The following STK11 variants were observed in gnomAD, a reference collection of about 807,000 sequenced individuals.
STK11 encodes serine/threonine-protein kinase STK11.
In STK11, 8 loss-of-function variants were observed where a neutral mutation model predicts 47.3. The observed-to-expected ratio is 0.17, with a 90% CI of 0.10 to 0.31. The LOEUF is 0.31. Among genes scored for constraint, STK11 ranks in the 10% least tolerant of loss-of-function variants. STK11 has a pLI of 1.00. For synonymous variants in STK11, 330 were observed against 255.8 expected (o/e 1.29, Z -2.77); for missense variants, 475 against 605.0 (o/e 0.79, Z 2.25).
chr19:1,212,859 T>C (rs1008280054), intron 1 of STK11, among the ~76,000 whole-genome samples: 7 of 151,894 alleles, frequency 4.6e-5, no homozygotes, highest in Non-Finnish European at 1.0e-4. Context: ...TTTTATTTTT[T>C]ATTTTATAGA....
At position 1,220,588 on chromosome 19, in the gene STK11, A is replaced by T. The variant is rs1206092648; in HGVS notation, c.605A>T (p.His202Leu). 6.3e-7 allele frequency: 1 copy of T among 1,584,102 alleles called. No individual in the cohort carries two copies. Among genetic ancestry groups the T allele is most frequent in the Non-Finnish European group, 8.6e-7 (1 of 1,164,970 alleles). Residue 202 changes from histidine (H) to leucine (L), a missense_variant, in exon 5 of 10, where the codon CAC becomes CTC. Around this residue, in one of 5 missense-constraint regions of STK11, gnomAD observed 130 missense variants for 239.7 expected, o/e 0.54. Coordinates refer to ENST00000326873, the MANE Select transcript of STK11 (RefSeq NM_000455.5). ...TGCACGGCACCGCCACAGGCACTGC[A>T]CCCGTTCGCGGCGGACGACACCTGC... ...ISDLGVAEALHPFAADDTCRT... is the reference protein window; with the variant it reads ...ISDLGVAEALLPFAADDTCRT...
Position 1,224,551 on chromosome 19 carries a change from CG to C in STK11, c.1108+1380del, listed in dbSNP as rs891110096. 7 of 985,378 alleles carry C rather than the reference CG, an allele frequency of 7.1e-6. No homozygotes were observed. In the African/African-American group the frequency reaches 1.2e-4, roughly 17 times the overall value. 61.0% of individuals were successfully genotyped at this position (985,378 alleles called of 1,614,324 possible). A position where few individuals can be genotyped will look rare whatever the true frequency, so the allele number is the denominator to read the frequency against. ...GGGCAGGGCCAGCCCAGGCAGGTTG[CG>C]AGAGTCCCTACTGGGACGTGGACCA... On this transcript the variant is annotated intron_variant, in intron 8 of 9. Transcript: ENST00000326873.
chr19:1,220,051 C>T, intron 3 of STK11: 1 of 319,486 alleles, frequency 3.1e-6, no homozygotes, highest in Non-Finnish European at 5.9e-6. Context: ...GGGCCCCTTG[C>T]TGCTGCAGGA....
rs2080672614 is a variant in STK11, at chr19:1,207,122, A to G, written c.209A>G (p.Glu70Gly). Residue 70 changes from glutamate (E) to glycine (G), a missense_variant, in exon 1 of 10, where the codon GAG becomes GGG. Physicochemically the swap from Glu to Gly is moderately conservative, Grantham distance 98. Around this residue, in one of 5 missense-constraint regions of STK11, gnomAD observed 47 missense variants for 103.7 expected, o/e 0.45. Transcript: ENST00000326873. ...AAGGTGAAGGAGGTGCTGGACTCGG[A>G]GACGCTGTGCAGGAGGGCCGTCAAG... ...YGKVKEVLDSETLCRRAVKIL... is the reference protein window; with the variant it reads ...YGKVKEVLDSGTLCRRAVKIL... 4.3e-6 allele frequency: 7 copies of G among 1,613,816 alleles called. No homozygotes were observed. The highest frequency in any genetic ancestry group is 5.9e-6 in the Non-Finnish European group (7 of 1,179,830).
At chr19:1,207,292 CCTTA>C (rs2080674849) in intron 1 of STK11, 89 bp downstream of exon 1, 2 of 1,470,958 alleles carry the variant, frequency 1.4e-6, no homozygotes, top group African/African-American at 1.4e-5. Context: ...TCCCTCCCTC[CCTTA>C]CTTCCTCTTA....
intron 6 of STK11, 137 bp from the exon 7 acceptor site, chr19:1,221,812 C>A: frequency 1.0e-6 from 1 of 955,324 alleles, no homozygotes; most frequent in South Asian, 1.5e-5. Flanking sequence ...TCAGGGAGAC[C>A]GCCTGTGCGC....
chr19:1,213,487 C>T (rs2080725541), intron 1 of STK11, among the ~76,000 whole-genome samples: 1 of 152,230 alleles, frequency 6.6e-6, no homozygotes, highest in Non-Finnish European at 1.5e-5. Context: ...CTGGATTGGC[C>T]TGTCCTGAAC....
chr19:1,208,576 G>A (rs1176744827), intron 1 of STK11, among the ~76,000 whole-genome samples: 1 of 142,684 alleles, frequency 7.0e-6, no homozygotes, highest in Non-Finnish European at 1.5e-5. Context: ...CCAAAGTGCT[G>A]GTACTACAGG....
In STK11 at chr19:1,223,678, C is replaced by A. The variant is rs147299346; in HGVS notation, c.1108+506C>A. On this transcript the variant is annotated intron_variant, in intron 8 of 9. Coordinates refer to ENST00000326873, the MANE Select transcript of STK11 (RefSeq NM_000455.5). ...CTGAGGCAGGGCTTAGAGCGGAGCG[C>A]GGCTTGCAGAAGAGCGAGGGCTCAG... 212 of 1,046,408 alleles carry A rather than the reference C, an allele frequency of 2.0e-4. 2 individuals are homozygous for A. The East Asian group carries it at 0.012, about 59-fold the overall frequency. 64.8% of individuals were successfully genotyped at this position (1,046,408 alleles called of 1,614,324 possible). A position where few individuals can be genotyped will look rare whatever the true frequency, so the allele number is the denominator to read the frequency against.
intron 1 of STK11, among the ~76,000 whole-genome samples, chr19:1,210,737 C>T (rs1286999792): frequency 6.6e-6 from 1 of 152,106 alleles, no homozygotes; most frequent in African/African-American, 2.4e-5. Context: ...TGGCGCACGC[C>T]TGTAATCCCA....
rs1438619812 is a variant in STK11, at chr19:1,227,767, C to T, written c.*191C>T. On this transcript the variant is annotated 3_prime_UTR_variant, in exon 10 of 10. Coordinates refer to ENST00000326873, the MANE Select transcript of STK11 (RefSeq NM_000455.5). ...CAGCAGGGACCGGGCGCAGCCCTCC[C>T]CCCTCGGCCGCCCGGCAGTGCACGC... The T allele has an allele frequency of 1.9e-6, 2 of 1,073,650 alleles. No homozygotes were observed. The highest frequency in any genetic ancestry group is 3.3e-5 in the African/African-American group (2 of 61,116). 66.5% of individuals were successfully genotyped at this position (1,073,650 alleles called of 1,614,324 possible).
At chr19:1,211,576 C>A (rs1053152027) in intron 1 of STK11, among the ~76,000 whole-genome samples, 2 of 152,210 alleles carry the variant, frequency 1.3e-5, no homozygotes, top group Non-Finnish European at 2.9e-5. Flanking sequence ...CAGAGGCACC[C>A]AGGGCTGCCG....
chr19:1,224,437 T>G, intron 8 of STK11: 1 of 985,350 alleles, frequency 1.0e-6, no homozygotes, highest in African/African-American at 1.7e-5. Context: ...TGGCTGCAAT[T>G]TGACCCCAGG....
Position 1,206,523 on chromosome 19 carries a change from G to C in STK11, c.-391G>C. Reference sequence around the variant, plus strand: ...CTCGGCCGTGTTCATACTTGTCCGTGGGCCTGAGGTCCCCGGAGGATGACC... The same window carrying C: ...CTCGGCCGTGTTCATACTTGTCCGTCGGCCTGAGGTCCCCGGAGGATGACC... On this transcript the variant is annotated 5_prime_UTR_variant, in exon 1 of 10. Transcript: ENST00000326873. 3.4e-6 allele frequency: 1 copy of C among 293,684 alleles called. No homozygotes were observed. Among genetic ancestry groups the C allele is most frequent in the Non-Finnish European group, 6.5e-6 (1 of 154,544 alleles). 18.2% of individuals were successfully genotyped at this position (293,684 alleles called of 1,614,324 possible).
chr19:1,214,194 C>T (rs564624976), intron 1 of STK11, among the ~76,000 whole-genome samples: 1 of 152,300 alleles, frequency 6.6e-6, no homozygotes, highest in South Asian at 2.1e-4. Context: ...CTGGAGACGT[C>T]AGAGGAAGCC....
At chr19:1,220,351 G>A (rs1420897934) in intron 3 of STK11, 22 bp from the exon 4 acceptor site, 4 of 1,590,888 alleles carry the variant, frequency 2.5e-6, no homozygotes, top group African/African-American at 1.3e-5. Flanking sequence ...TCGGCCCCAG[G>A]ACGGGTGTGT....
intron 8 of STK11, chr19:1,225,080 G>A (rs1323350755): frequency 3.0e-6 from 3 of 986,132 alleles, no homozygotes; most frequent in Non-Finnish European, 3.6e-6. Context: ...CCAGATCCCA[G>A]GGAAGGGGCT....
intron 9 of STK11, 102 bp downstream of exon 9, chr19:1,226,765 C>A: frequency 7.6e-7 from 1 of 1,323,772 alleles, no homozygotes; most frequent in Non-Finnish European, 9.9e-7. Flanking sequence ...GTGACCGTCA[C>A]GTGGCTGCGC....
chr19:1,226,123 A>C (rs1207823012), intron 8 of STK11: 5 of 1,159,106 alleles, frequency 4.3e-6, no homozygotes, highest in Admixed American at 9.1e-5. Flanking sequence ...GGAGCACGGG[A>C]GGGTCCTGCC....
Sources: gnomAD v4.1 joint callset for allele counts (sites outside exome capture counted in the v4.1 genomes callset) on GRCh38, gnomAD v4.1.1 for gene constraint, gnomAD v4.1.1 regional missense constraint, MANE v1.5 for transcripts, NCBI Gene and HGNC (gene_info 2026-07-23, HGNC 2026-07-21) for gene names.